The following PCNT variants were observed in gnomAD, a reference collection of about 807,000 sequenced individuals.
The protein encoded by PCNT is kendrin.
Under a neutral mutation model 380.4 loss-of-function variants are expected in PCNT, and 319 were observed. That is an observed-to-expected ratio of 0.84 (90% confidence interval 0.77 to 0.92). The LOEUF (loss-of-function observed/expected upper bound fraction) is 0.92, where lower values mean the gene tolerates loss of function less well. PCNT is among the 40% of genes least tolerant of loss of function. The probability of loss-of-function intolerance (pLI) is 0.00; values close to 1 mark genes in which losing one functional copy is unlikely to be tolerated. For missense variants in PCNT, 4,400 were observed against 4,255.3 expected (o/e 1.03, Z -0.95); for synonymous variants, 1,845 against 1,735.2 (o/e 1.06, Z -1.57).
chr21:46,369,798 C>T (rs9977872), intron 15 of PCNT, among the ~76,000 whole-genome samples: 43,041 of 151,916 alleles, frequency 0.28, 6,357 homozygotes, highest in East Asian at 0.45. Context: ...CAATCAGAGA[C>T]GCCTGCTGGA....
chr21:46,438,678 T>G (rs1439987160), intron 41 of PCNT, among the ~76,000 whole-genome samples: 1 of 150,122 alleles, frequency 6.7e-6, no homozygotes, highest in East Asian at 1.9e-4. Context: ...AATTTTTTTT[T>G]TTTTTTTTTT....
rs749134992 is a variant in PCNT at position 46,355,464 on chromosome 21, C to G, written c.1774C>G (p.Arg592Gly). The G allele has an allele frequency of 1.2e-6, 2 of 1,613,858 alleles. No homozygotes were observed. Among genetic ancestry groups the G allele is most frequent in the East Asian group, 4.5e-5 (2 of 44,874 alleles). The change falls in exon 12 of 47, where the codon CGC becomes GGC. Residue 592 changes from arginine (R) to glycine (G), a missense_variant. Arg to Gly is a moderately radical substitution (Grantham distance 125). Coordinates refer to ENST00000359568, the MANE Select transcript of PCNT (RefSeq NM_006031.6). ...EPERHKESLP[R>G]FQAELEESHR... The stretch of plus-strand genomic sequence containing the variant: ...GGTTTCTCTGTAGGAGAGCCTGCCA[C>G]GCTTCCAGGCGGAGTTAGAAGAAAG...
chr21:46,354,092 T>TG, intron 11 of PCNT, 24 bp downstream of exon 11: 1 of 1,600,844 alleles, frequency 6.2e-7, no homozygotes, highest in Non-Finnish European at 8.6e-7. Context: ...CGCTGAGAAG[T>TG]GGGGGAGTCC....
chr21:46,385,636 G>A (rs1250759757), intron 16 of PCNT, among the ~76,000 whole-genome samples, 196 bp from the exon 17 acceptor site: 2 of 152,122 alleles, frequency 1.3e-5, no homozygotes, highest in Non-Finnish European at 2.9e-5. Context: ...CTGAGGTCAC[G>A]CCTTTGACCA....
intron 11 of PCNT, 29 bp downstream of exon 11, chr21:46,354,097 G>C (rs1377043858): frequency 6.3e-7 from 1 of 1,589,834 alleles, no homozygotes. Flanking sequence ...AGAAGTGGGG[G>C]AGTCCTGTGC....
At chr21:46,343,780 C>T (rs1401307581) in intron 3 of PCNT, among the ~76,000 whole-genome samples, 1 of 152,162 alleles carries the variant, frequency 6.6e-6, no homozygotes, top group African/African-American at 2.4e-5. Context: ...TTTTAAATTA[C>T]TGTTTCAGTC....
chr21:46,368,771 G>A (rs75183852), intron 15 of PCNT, among the ~76,000 whole-genome samples: 2,394 of 152,370 alleles, frequency 0.016, 33 homozygotes, highest in Middle Eastern at 0.024. Context: ...ATGGGCTAGA[G>A]CTGATGAGGC....
chr21:46,353,484 G>A (rs944131813), intron 10 of PCNT, among the ~76,000 whole-genome samples, 158 bp downstream of exon 10: 1 of 152,144 alleles, frequency 6.6e-6, no homozygotes, highest in Admixed American at 6.5e-5. Flanking sequence ...ACACAGGCAC[G>A]GGCACCCGAG....
chr21:46,366,072 A>G (rs568123138), intron 14 of PCNT, among the ~76,000 whole-genome samples: 2 of 149,224 alleles, frequency 1.3e-5, no homozygotes, highest in African/African-American at 4.9e-5. Flanking sequence ...TTGGGGTTCT[A>G]TTCACTGCCA....
intron 15 of PCNT, 61 bp downstream of exon 15, chr21:46,367,200 C>G (rs1263922827): frequency 3.9e-5 from 55 of 1,415,898 alleles, no homozygotes; most frequent in Non-Finnish European, 5.3e-5. Context: ...CTGTGTGTTT[C>G]CACCGCGTGT....
chr21:46,397,955 G>A (rs936933081), intron 22 of PCNT, 59 bp from the exon 23 acceptor site: 18 of 1,366,862 alleles, frequency 1.3e-5, no homozygotes, highest in South Asian at 7.4e-5. Flanking sequence ...GTGGACCTTC[G>A]CTGCAAGGGG....
In PCNT at chr21:46,391,620, T is replaced by C. The variant is rs192495381; in HGVS notation, c.4216+244T>C. On this transcript the variant is annotated intron_variant, in intron 21 of 46. Transcript: ENST00000359568. ...TCCTGCTGGTTGGAGGGTCCCCACC[T>C]CTGTGAGGTGGAAATAAGAGGGGCT... Among the ~76,000 whole-genome samples, 671 of 152,248 alleles carry C rather than the reference T, an allele frequency of 4.4e-3. 15 individuals carry two copies. Among genetic ancestry groups the C allele is most frequent in the Non-Finnish European group, 1.4e-3 (95 of 68,000 alleles).
intron 14 of PCNT, among the ~76,000 whole-genome samples, chr21:46,365,414 G>T (rs2084875895): frequency 6.8e-6 from 1 of 147,836 alleles, no homozygotes; most frequent in African/African-American, 2.5e-5. Flanking sequence ...TCTGATCACT[G>T]CCGTGGGGTT....
chr21:46,409,378 G>A (rs1718884973), intron 27 of PCNT, among the ~76,000 whole-genome samples: 2 of 151,854 alleles, frequency 1.3e-5, no homozygotes, highest in Middle Eastern at 3.5e-3. Context: ...TAGTAGAGAC[G>A]GGGTTTCTCC....
At chr21:46,395,868 AAAT>A (rs951025518) in intron 21 of PCNT, among the ~76,000 whole-genome samples, 14 of 151,706 alleles carry the variant, frequency 9.2e-5, no homozygotes, top group Non-Finnish European at 1.6e-4. Context: ...TCCATCTCAG[AAAT>A]AATAATAATA....
intron 7 of PCNT, 142 bp from the exon 8 acceptor site, chr21:46,349,542 G>A (rs2084192867): frequency 1.2e-6 from 1 of 848,932 alleles, no homozygotes; most frequent in African/African-American, 1.7e-5. Flanking sequence ...TATCAGGCAT[G>A]TGAGGCTCAA....
intron 25 of PCNT, among the ~76,000 whole-genome samples, chr21:46,400,816 G>A (rs964092376): frequency 3.3e-5 from 5 of 152,152 alleles, no homozygotes; most frequent in Non-Finnish European, 7.4e-5. Context: ...CACCACGCCC[G>A]GCCAAGTGTG....
Position 46,441,045 on chromosome 21 carries a change from G to A in PCNT, c.9584G>A (p.Arg3195Lys), listed in dbSNP as rs78524660. The A allele has an allele frequency of 2.5e-5, 40 of 1,614,110 alleles. No homozygotes were observed. In the African/African-American group the frequency reaches 3.3e-4, roughly 13 times the overall value. ...AAAATCACATCTCGTCCTTTCACCA[G>A]GTTCCGCACGGCCGTCAGGGTGGTC... Reference protein sequence around the residue: ...ERKITSRPFTRFRTAVRVVIA... With the variant: ...ERKITSRPFTKFRTAVRVVIA... The change falls in exon 43 of 47, where the codon AGG becomes AAG. Residue 3195 changes from arginine to lysine, a missense_variant. By Grantham distance (26) the Arg-to-Lys change is conservative. Coordinates refer to ENST00000359568, the MANE Select transcript of PCNT (RefSeq NM_006031.6).
Position 46,355,652 on chromosome 21 carries a change from T to G in PCNT, c.1936+26T>G, listed in dbSNP as rs879107165. On this transcript the variant is annotated intron_variant, in intron 12 of 46. Transcript: ENST00000359568. Reference sequence around the variant, plus strand: ...GTGGGCCCCTCCCGCCTCGCCATGGTGTCGGCAGGTCCCGGGTCTGGGGGA... The same window carrying G: ...GTGGGCCCCTCCCGCCTCGCCATGGGGTCGGCAGGTCCCGGGTCTGGGGGA... The G allele has an allele frequency of 3.7e-6, 6 of 1,611,664 alleles. No individual in the cohort carries two copies. In the South Asian group the frequency reaches 6.6e-5, roughly 18 times the overall value.
Sources: gnomAD v4.1 joint callset for allele counts (sites outside exome capture counted in the v4.1 genomes callset) on GRCh38, gnomAD v4.1.1 for gene constraint, MANE v1.5 for transcripts, NCBI Gene and HGNC (gene_info 2026-07-23, HGNC 2026-07-21) for gene names.